The following ICE1 variants were observed in gnomAD, a reference collection of about 807,000 sequenced individuals.
The protein encoded by ICE1 is little elongation complex subunit 1.
ICE1 carries 64 observed loss-of-function variants against 192.7 expected under a neutral mutation model. The observed-to-expected ratio is 0.33, with a 90% confidence interval of 0.27 to 0.41. ICE1 has a LOEUF of 0.41. Among genes scored for constraint, ICE1 ranks in the 10% least tolerant of loss-of-function variants. The probability of loss-of-function intolerance (pLI) is 1.00; values close to 1 mark genes in which losing one functional copy is unlikely to be tolerated. For missense variants in ICE1, 2,708 were observed against 2,696.0 expected (o/e 1.00, Z -0.10); for synonymous variants, 1,010 against 984.5 (o/e 1.03, Z -0.49).
chr5:5,447,859 C>T lies in ICE1; in HGVS notation c.566C>T (p.Thr189Ile). ...KNEKELRHIG[T>I]QISSDSYGSI... ...CTTTTAGAGTTGAGACATATTGGAA[C>T]ACAAATTTCAAGTGATTCATATGGA... Residue 189 changes from threonine to isoleucine, a missense_variant, in exon 10 of 19, where the codon ACA (threonine) becomes ATA (isoleucine). Thr to Ile is a moderately conservative substitution (Grantham distance 89). This residue lies in a region of ICE1 where 2,366 missense variants were observed against 2,276.6 expected (regional missense o/e 1.04). Transcript: ENST00000296564. 1 of 1,578,916 alleles carries T rather than the reference C, an allele frequency of 6.3e-7. No homozygotes were observed. Among genetic ancestry groups the T allele is most frequent in the Non-Finnish European group, 8.6e-7 (1 of 1,159,948 alleles).
intron 1 of ICE1, among the ~76,000 whole-genome samples, chr5:5,435,963 G>T (rs897152893): frequency 1.3e-5 from 2 of 151,932 alleles, no homozygotes; most frequent in Admixed American, 1.3e-4. Context: ...ACCGCACCCG[G>T]CCTAGATCCT....
In ICE1 at chr5:5,461,955, A is replaced by C; in HGVS notation, c.2621A>C (p.Lys874Thr). ...AGACCTGAAAAGGTTCAGAGTGCCAAATTGGAACACTTGAGGCCACATAGG... is the reference window on the plus strand; with the variant it reads ...AGACCTGAAAAGGTTCAGAGTGCCACATTGGAACACTTGAGGCCACATAGG... ...QTRPEKVQSAKLEHLRPHRVE... is the reference protein window; with the variant it reads ...QTRPEKVQSATLEHLRPHRVE... Residue 874 changes from lysine to threonine, a missense_variant, in exon 13 of 19, where the codon AAA becomes ACA. Lys to Thr is a moderately conservative substitution (Grantham distance 78). Transcript: ENST00000296564. The C allele has an allele frequency of 6.2e-7, 1 of 1,613,950 alleles. No individual in the cohort carries two copies. Among genetic ancestry groups the C allele is most frequent in the Non-Finnish European group, 8.5e-7 (1 of 1,179,892 alleles).
chr5:5,428,218 G>GT (rs568437676), intron 1 of ICE1, among the ~76,000 whole-genome samples: 59 of 152,200 alleles, frequency 3.9e-4, no homozygotes, highest in African/African-American at 1.4e-3. Flanking sequence ...TTGGGGCACA[G>GT]TTAGAGAGAG....
intron 18 of ICE1, among the ~76,000 whole-genome samples, chr5:5,488,886 C>G (rs1440395400): frequency 6.6e-6 from 1 of 152,076 alleles, no homozygotes; most frequent in Non-Finnish European, 1.5e-5. Context: ...CTTGGAGGCC[C>G]TCTCCTTTTT....
At chr5:5,426,251 C>T (rs1737514026) in intron 1 of ICE1, among the ~76,000 whole-genome samples, 1 of 152,208 alleles carries the variant, frequency 6.6e-6, no homozygotes, top group South Asian at 2.1e-4. Context: ...TCAAGAACAG[C>T]TTGGCCAAGA....
intron 17 of ICE1, among the ~76,000 whole-genome samples, chr5:5,483,859 C>A (rs954068624): frequency 6.6e-6 from 1 of 152,232 alleles, no homozygotes; most frequent in African/African-American, 2.4e-5. Flanking sequence ...CTTGGCAAAT[C>A]TGTCAGCTTT....
At chr5:5,441,804 A>C (rs934708823) in intron 5 of ICE1, among the ~76,000 whole-genome samples, 36 of 152,268 alleles carry the variant, frequency 2.4e-4, no homozygotes, top group Non-Finnish European at 5.9e-5. Context: ...GCTTTGTTTG[A>C]TCCCTTTTTA....
chr5:5,423,028 G>C (rs116360315), intron 1 of ICE1, 29 bp downstream of exon 1: 12 of 1,296,672 alleles, frequency 9.3e-6, no homozygotes, highest in African/African-American at 1.5e-5. Flanking sequence ...CCCCGGGCGC[G>C]GGGGGGGACT....
rs1738985067 is a variant in ICE1, at chr5:5,466,387, G to C, written c.5946G>C (p.Lys1982Asn). 6.2e-7 allele frequency: 1 copy of C among 1,613,036 alleles called. No individual in the cohort carries two copies. The highest frequency in any genetic ancestry group is 8.5e-7 in the Non-Finnish European group (1 of 1,179,522). The change falls in exon 14 of 19, where the codon AAG becomes AAC. Residue 1982 changes from lysine (K) to asparagine (N), a missense_variant. By Grantham distance (94) the Lys-to-Asn change is moderately conservative. Transcript: ENST00000296564. ...TTCTCTCAGAACTAAAAATTCAGAA[G>C]ATATCTATGGACCACAATTACATTC... ...HSILSELKIQ[K>N]ISMDHNYIHA... is the part of the protein sequence containing the mutation.
chr5:5,447,790 T>G, intron 9 of ICE1, 30 bp downstream of exon 9: 1 of 1,572,072 alleles, frequency 6.4e-7, no homozygotes, highest in African/African-American at 1.4e-5. Context: ...TTACATAAAT[T>G]TATTTTTGAT....
chr5:5,473,770 AATAAAGAT>A, intron 16 of ICE1, 22 bp downstream of exon 16: 3 of 1,502,976 alleles, frequency 2.0e-6, no homozygotes, highest in Non-Finnish European at 2.7e-6. Context: ...TACTAATTTA[AATAAAGAT>A]ATGTTATTGT....
intron 15 of ICE1, among the ~76,000 whole-genome samples, chr5:5,473,062 A>G (rs1167451170): frequency 6.6e-6 from 1 of 152,244 alleles, no homozygotes. Context: ...CTACTCTTTC[A>G]TGCAACACTA....
rs750032576 is a variant in ICE1 at position 5,464,383 on chromosome 5, A to G, written c.5049A>G (p.Pro1683=). 7 of 1,613,512 alleles carry G rather than the reference A, an allele frequency of 4.3e-6. No homozygotes were observed. The South Asian group carries it at 6.6e-5, about 15-fold the overall frequency. Residue 1683 remains proline, a synonymous_variant, in exon 13 of 19, where the codon CCA becomes CCG. Coordinates refer to ENST00000296564, the MANE Select transcript of ICE1 (RefSeq NM_015325.3). This position sits in a 1 kb window ranked among gnomAD's most constrained non-coding sequence, Gnocchi z 4.0. The part of the protein sequence containing the change: ...RETPVPPAMS[P]WPEDPRRASP... ...CCCCAGTGCCTCCTGCCATGTCTCCATGGCCAGAGGACCCCAGACGTGCCT... is the reference window on the plus strand; with the variant it reads ...CCCCAGTGCCTCCTGCCATGTCTCCGTGGCCAGAGGACCCCAGACGTGCCT...
intron 15 of ICE1, among the ~76,000 whole-genome samples, chr5:5,470,281 T>A (rs1045466212): frequency 6.6e-6 from 1 of 152,152 alleles, no homozygotes; most frequent in African/African-American, 2.4e-5. Flanking sequence ...GTTACTTGCC[T>A]TCAGAGGGTT....
chr5:5,453,996 A>G (rs1738509330), intron 10 of ICE1, among the ~76,000 whole-genome samples: 1 of 152,224 alleles, frequency 6.6e-6, no homozygotes, highest in South Asian at 2.1e-4. Flanking sequence ...TCATACGCAC[A>G]CATTCCCGTA....
intron 14 of ICE1, among the ~76,000 whole-genome samples, chr5:5,468,558 C>G (rs191120845): frequency 2.6e-5 from 4 of 152,248 alleles, no homozygotes; most frequent in Admixed American, 6.5e-5. Flanking sequence ...TAATGTAATA[C>G]AAAACCTATG....
chr5:5,454,685 A>C, intron 11 of ICE1, 47 bp downstream of exon 11: 1 of 1,442,362 alleles, frequency 6.9e-7, no homozygotes, highest in Non-Finnish European at 9.7e-7. Context: ...GAAAGTACAG[A>C]GCTTAACCAT....
chr5:5,433,898 T>G (rs1737796160), intron 1 of ICE1, among the ~76,000 whole-genome samples: 1 of 151,348 alleles, frequency 6.6e-6, no homozygotes, highest in Non-Finnish European at 1.5e-5. Flanking sequence ...GTAATTTTAG[T>G]GCAAAAATGG....
At chr5:5,476,475 G>T (rs930389502) in intron 17 of ICE1, among the ~76,000 whole-genome samples, 4 of 152,110 alleles carry the variant, frequency 2.6e-5, no homozygotes, top group Admixed American at 2.0e-4. Flanking sequence ...TTATAAAGAG[G>T]TTTCATTGGC....
Sources: gnomAD v4.1 joint callset for allele counts (sites outside exome capture counted in the v4.1 genomes callset) on GRCh38, gnomAD v4.1.1 for gene constraint, gnomAD v4.1.1 regional missense constraint, Gnocchi (gnomAD v3.1) non-coding constraint, MANE v1.5 for transcripts, NCBI Gene and HGNC (gene_info 2026-07-23, HGNC 2026-07-21) for gene names.